SPO11: variants seen among roughly 807,000 people sequenced by gnomAD.
The protein encoded by SPO11 is SPO11 initiator of meiotic double strand breaks.
A neutral mutation model predicts 51.6 loss-of-function variants in SPO11; 49 were observed. The observed-to-expected ratio is 0.95, with a 90% CI of 0.75 to 1.20. SPO11 has a LOEUF of 1.20. SPO11 is among the 50% of genes most tolerant of loss of function. The probability of loss-of-function intolerance (pLI) is 0.00; values close to 1 mark genes in which losing one functional copy is unlikely to be tolerated. For synonymous variants in SPO11, 176 were observed against 158.2 expected, an observed-to-expected ratio of 1.11 and a Z score of -0.84; for missense variants, 431 against 473.4, an observed-to-expected ratio of 0.91 and a Z score of 0.83.
chr20:57,343,291 G>A (rs1293765667), intron 12 of SPO11, 50 bp from the exon 13 acceptor site: 2 of 1,590,014 alleles, frequency 1.3e-6, no homozygotes, highest in Non-Finnish European at 1.7e-6. Flanking sequence ...TGAATTGACA[G>A]AAATGCAACT....
intron 8 of SPO11, among the ~76,000 whole-genome samples, chr20:57,337,136 C>T (rs745884777): frequency 9.9e-5 from 15 of 152,056 alleles, no homozygotes; most frequent in African/African-American, 3.1e-4. Flanking sequence ...AATTCAAACT[C>T]GGAGCTGTGA....
Position 57,334,035 on chromosome 20 carries a change from C to T in SPO11, c.450C>T (p.Val150=), listed in dbSNP as rs778633160. ...DSQLFGNQTV[V]DNIINDISCM... ...AACTCTTTGGTAACCAGACTGTCGTCGACAATATTATCAATGACATTTCTT... is the reference window on the plus strand; with the variant it reads ...AACTCTTTGGTAACCAGACTGTCGTTGACAATATTATCAATGACATTTCTT... The change falls in exon 5 of 13, where the codon GTC becomes GTT. Residue 150 remains valine, a synonymous_variant. Transcript: ENST00000371263. 12 of 1,589,320 alleles carry T rather than the reference C, an allele frequency of 7.6e-6. No individual in the cohort carries two copies. In the South Asian group the frequency reaches 1.0e-4, roughly 14 times the overall value.
Position 57,329,981 on chromosome 20 carries a change from A to C in SPO11, c.114A>C (p.Gly38=). 1 of 1,604,534 alleles carries C rather than the reference A, an allele frequency of 6.2e-7. No individual in the cohort carries two copies. Among genetic ancestry groups the C allele is most frequent in the Non-Finnish European group, 8.5e-7 (1 of 1,176,626 alleles). ...RRGGREPPTG[G]SRLASSSEVL... ...GTGGCAGGGAGCCCCCAACTGGGGG[A>C]AGCCGCCTGGCCTCCAGGTACAGGA... The change falls in exon 1 of 13, where the codon GGA becomes GGC. Residue 38 remains glycine, a synonymous_variant. Coordinates refer to ENST00000371263, the MANE Select transcript of SPO11 (RefSeq NM_012444.3).
intron 11 of SPO11, among the ~76,000 whole-genome samples, chr20:57,341,447 T>C (rs1020585778): frequency 5.3e-5 from 8 of 152,188 alleles, no homozygotes; most frequent in African/African-American, 1.9e-4. Context: ...GCATTAACAT[T>C]TTTTTTCACC....
At position 57,343,409 on chromosome 20, in the gene SPO11, T is replaced by C; in HGVS notation, c.1140T>C (p.Tyr380=). 6.2e-7 allele frequency: 1 copy of C among 1,612,004 alleles called. No homozygotes were observed. The part of the protein sequence containing the change: ...IQALTFLSSD[Y]LSRVYLPNKL... ...CTTTGACTTTCCTATCATCAGATTA[T>C]CTTTCCAGAGTGTACTTACCTAACA... The change falls in exon 13 of 13, where the codon TAT becomes TAC. Residue 380 remains tyrosine, a synonymous_variant. Coordinates refer to ENST00000371263, the MANE Select transcript of SPO11 (RefSeq NM_012444.3).
chr20:57,342,867 T>A (rs1442554696), intron 12 of SPO11, 27 bp downstream of exon 12: 3 of 1,504,612 alleles, frequency 2.0e-6, no homozygotes, highest in Non-Finnish European at 2.8e-6. Context: ...AACTCAAGTG[T>A]TGCATGTTTA....
At chr20:57,335,495 G>GTTCA in intron 7 of SPO11, 40 bp downstream of exon 7, 1 of 1,577,436 alleles carries the variant, frequency 6.3e-7, no homozygotes, top group Non-Finnish European at 8.6e-7. Context: ...CTTTTGGAAT[G>GTTCA]TTCATTCATT....
At chr20:57,338,950 G>A in intron 9 of SPO11, 39 bp from the exon 10 acceptor site, 1 of 1,330,220 alleles carries the variant, frequency 7.5e-7, no homozygotes, top group Non-Finnish European at 1.0e-6. Context: ...CCTGTAATAT[G>A]TAAGGAGACT....
chr20:57,337,598 C>T lies in SPO11; in HGVS notation c.745-678C>T, dbSNP rs774802501. ...TTAGTTTGCGCCATTTTAAATAACA[C>T]TTCAGTGAGCATCTTTAAATATGTA... On this transcript the variant is annotated intron_variant, in intron 8 of 12. Transcript: ENST00000371263. 2.9e-4 allele frequency: 140 copies of T among 488,302 alleles called. 1 individual carries two copies. Among genetic ancestry groups the T allele is most frequent in the Non-Finnish European group, 4.3e-4 (126 of 293,370 alleles). The allele number at this position is 488,302 out of a possible 1,614,324, so 30.2% of individuals were successfully genotyped here.
At chr20:57,341,342 G>C (rs1480631055) in intron 11 of SPO11, among the ~76,000 whole-genome samples, 1 of 152,196 alleles carries the variant, frequency 6.6e-6, no homozygotes, top group African/African-American at 2.4e-5. Context: ...GTGGGTCAAA[G>C]AGGATCCCCA....
rs2066610562 is a variant in SPO11, at chr20:57,343,655, C to T, written c.*195C>T. On this transcript the variant is annotated 3_prime_UTR_variant, in exon 13 of 13. Transcript: ENST00000371263. ...TTTTCTTTGCAAGGCCTTATTCTTGCCTCTATAGAGACAGATTTCTGTCCT... is the reference window on the plus strand; with the variant it reads ...TTTTCTTTGCAAGGCCTTATTCTTGTCTCTATAGAGACAGATTTCTGTCCT... The T allele has an allele frequency of 2.2e-6, 1 of 449,406 alleles. No individual in the cohort carries two copies. The highest frequency in any genetic ancestry group is 3.7e-6 in the Non-Finnish European group (1 of 268,674). The allele number at this position is 449,406 out of a possible 1,614,324, so 27.8% of individuals were successfully genotyped here. A position where few individuals can be genotyped will look rare whatever the true frequency, so the allele number is the denominator to read the frequency against.
intron 8 of SPO11, 145 bp from the exon 9 acceptor site, chr20:57,338,128 CGAT>C: frequency 3.2e-6 from 2 of 623,852 alleles, no homozygotes; most frequent in Middle Eastern, 4.3e-4. Context: ...CTCAGGTGAT[CGAT>C]CCCCCTACCT....
At chr20:57,340,613 C>T (rs1207809893) in intron 11 of SPO11, among the ~76,000 whole-genome samples, 8 of 151,910 alleles carry the variant, frequency 5.3e-5, no homozygotes, top group Non-Finnish European at 1.2e-4. Context: ...AAAATGCAAA[C>T]ATTAGCTGGG....
chr20:57,330,906 T>G (rs1379017420), intron 1 of SPO11, among the ~76,000 whole-genome samples: 1 of 152,206 alleles, frequency 6.6e-6, no homozygotes, highest in Non-Finnish European at 1.5e-5. Flanking sequence ...GCAACACTTT[T>G]TTTCTCCAAA....
Position 57,334,786 on chromosome 20 carries a change from A to G in SPO11, c.547A>G (p.Arg183Gly), listed in dbSNP as rs137997364. ...AAAAGGTTTAATTGCTGGCAACTTA[A>G]GATACATCGAGGAAGATGGCACCAA... Reference protein sequence around the residue: ...TSKGLIAGNLRYIEEDGTKVN... With the variant: ...TSKGLIAGNLGYIEEDGTKVN... Residue 183 changes from arginine (R) to glycine (G), a missense_variant, in exon 6 of 13, where the codon AGA becomes GGA. By Grantham distance (125) the Arg-to-Gly change is moderately radical (BLOSUM62 -2). Around this residue, in one of 3 missense-constraint regions of SPO11, gnomAD observed 405 missense variants for 425.9 expected, o/e 0.95. Coordinates refer to ENST00000371263, the MANE Select transcript of SPO11 (RefSeq NM_012444.3). The G allele has an allele frequency of 6.7e-4, 1,086 of 1,613,956 alleles. 2 individuals carry two copies. The highest frequency in any genetic ancestry group is 8.3e-4 in the Non-Finnish European group (985 of 1,179,912).
Position 57,333,295 on chromosome 20 carries a change from G to T in SPO11, c.334+19G>T. 2 of 1,548,382 alleles carry T rather than the reference G, an allele frequency of 1.3e-6. No homozygotes were observed. Among genetic ancestry groups the T allele is most frequent in the South Asian group, 2.4e-5 (2 of 83,162 alleles). On this transcript the variant is annotated intron_variant, in intron 3 of 12. Transcript: ENST00000371263. Reference sequence around the variant, plus strand: ...AAATTTTGTAAGTTAATTGTTCTTAGCTTTTGGTAATAAAGGATAAATAAA... The same window carrying T: ...AAATTTTGTAAGTTAATTGTTCTTATCTTTTGGTAATAAAGGATAAATAAA...
chr20:57,331,891 A>G lies in SPO11; in HGVS notation c.190A>G (p.Arg64Gly), dbSNP rs189739775. Residue 64 changes from arginine to glycine, a missense_variant, in exon 2 of 13, where the codon AGA (arginine) becomes GGA (glycine). Arg to Gly is a moderately radical substitution (Grantham distance 125). Coordinates refer to ENST00000371263, the MANE Select transcript of SPO11 (RefSeq NM_012444.3). ...IIQDIITSLARNEAPAFTIDN... is the reference protein window; with the variant it reads ...IIQDIITSLAGNEAPAFTIDN... Reference sequence around the variant, plus strand: ...CCAAGACATAATCACAAGCTTGGCAAGAAATGAAGCACCTGCATTCACGAT... The same window carrying G: ...CCAAGACATAATCACAAGCTTGGCAGGAAATGAAGCACCTGCATTCACGAT... 105 of 1,607,520 alleles carry G rather than the reference A, an allele frequency of 6.5e-5. No homozygotes were observed. Among genetic ancestry groups the G allele is most frequent in the Non-Finnish European group, 8.5e-5 (100 of 1,177,186 alleles).
chr20:57,330,045 GTCGGGCGC>G (rs1260554847), intron 1 of SPO11, 47 bp downstream of exon 1: 1 of 1,518,072 alleles, frequency 6.6e-7, no homozygotes, highest in African/African-American at 1.4e-5. Context: ...CTGTAGAAAA[GTCGGGCGC>G]TCTTCCTGGC....
chr20:57,343,525 A>G lies in SPO11; in HGVS notation c.*65A>G, dbSNP rs1435002051. The G allele has an allele frequency of 4.3e-5, 63 of 1,466,186 alleles. No homozygotes were observed. The Middle Eastern group carries it at 6.5e-4, about 15-fold the overall frequency. 90.8% of individuals were successfully genotyped at this position (1,466,186 alleles called of 1,614,324 possible). On this transcript the variant is annotated 3_prime_UTR_variant, in exon 13 of 13. Transcript: ENST00000371263. ...ATTAGTTTTGTTTTGATTGGCAAAT[A>G]CTATTGTGGAAAGAACATATATTAT...
Sources: allele counts gnomAD v4.1 joint callset (sites outside exome capture counted in the v4.1 genomes callset), GRCh38; gene constraint gnomAD v4.1.1; regional missense constraint gnomAD v4.1.1; transcripts MANE v1.5; gene names NCBI Gene and HGNC (gene_info 2026-07-23, HGNC 2026-07-21).